Variants in SNTB2 observed in about 807,000 individuals in gnomAD.
SNTB2 encodes beta-2-syntrophin.
Under a neutral mutation model 46.2 loss-of-function variants are expected in SNTB2, and 34 were observed. The observed-to-expected ratio is 0.74, with a 90% CI of 0.56 to 0.98. The LOEUF (loss-of-function observed/expected upper bound fraction) is 0.98. Among genes scored for constraint, SNTB2 ranks in the 50% least tolerant of loss-of-function variants. SNTB2 has a pLI of 0.00. For missense variants in SNTB2, 603 were observed against 731.4 expected, an observed-to-expected ratio of 0.82 and a Z score of 2.02; for synonymous variants, 290 against 312.6, an observed-to-expected ratio of 0.93 and a Z score of 0.76.
chr16:69,271,155 T>G (rs1964933637), intron 4 of SNTB2, among the ~76,000 whole-genome samples: 1 of 152,158 alleles, frequency 6.6e-6, no homozygotes, highest in South Asian at 2.1e-4. Flanking sequence ...CATATATTAT[T>G]CTTCCTTTAC....
intron 2 of SNTB2, among the ~76,000 whole-genome samples, chr16:69,250,437 A>C (rs919159790): frequency 5.9e-5 from 9 of 152,220 alleles, no homozygotes; most frequent in South Asian, 2.1e-4. Context: ...ATAAGATTCT[A>C]GGAGGATTAA....
At chr16:69,188,074 C>G (rs1305534651) in intron 1 of SNTB2, among the ~76,000 whole-genome samples, 1 of 151,768 alleles carries the variant, frequency 6.6e-6, no homozygotes, top group Non-Finnish European at 1.5e-5. Flanking sequence ...CTCCGTTTGC[C>G]CGCTGAGAAG....
chr16:69,304,567 G>T lies in SNTB2; in HGVS notation c.*3643G>T, dbSNP rs1567419322. ...ACAACAAATACCTAACATTATTACT[G>T]ATTGTTTTCCTAATTTATCCTCCTA... On this transcript the variant is annotated 3_prime_UTR_variant, in exon 7 of 7. Coordinates refer to ENST00000336278, the MANE Select transcript of SNTB2 (RefSeq NM_006750.4). 6.6e-6 allele frequency: 1 copy of T among 152,292 alleles called. No homozygotes were observed. The highest frequency in any genetic ancestry group is 1.5e-5 in the Non-Finnish European group (1 of 68,018). 9.4% of individuals were successfully genotyped at this position (152,292 alleles called of 1,614,324 possible).
chr16:69,195,118 A>G (rs1405583439), intron 1 of SNTB2, among the ~76,000 whole-genome samples: 1 of 152,196 alleles, frequency 6.6e-6, no homozygotes, highest in Non-Finnish European at 1.5e-5. Context: ...TTGAGATCAT[A>G]TTTTTATAGG....
intron 5 of SNTB2, among the ~76,000 whole-genome samples, chr16:69,293,134 A>G (rs74025402): frequency 6.6e-6 from 1 of 152,314 alleles, no homozygotes; most frequent in African/African-American, 2.4e-5. Flanking sequence ...TATCTTGCAT[A>G]AAAGAGAGCA....
intron 4 of SNTB2, among the ~76,000 whole-genome samples, chr16:69,280,663 C>T (rs1965033098): frequency 6.6e-6 from 1 of 152,222 alleles, no homozygotes; most frequent in South Asian, 2.1e-4. Flanking sequence ...GTAGGGGCGG[C>T]CGGCTTTGCC....
chr16:69,223,751 C>T (rs1444653752), intron 1 of SNTB2, among the ~76,000 whole-genome samples: 1 of 152,104 alleles, frequency 6.6e-6, no homozygotes, highest in Admixed American at 6.5e-5. Flanking sequence ...GCCTCAGCCT[C>T]CCAAGTAGCT....
intron 3 of SNTB2, among the ~76,000 whole-genome samples, chr16:69,268,006 A>G (rs756377873): frequency 6.6e-5 from 10 of 152,184 alleles, no homozygotes; most frequent in Non-Finnish European, 1.5e-4. Flanking sequence ...AGTTTTGATG[A>G]TGACAGGGCT....
chr16:69,299,733 C>T lies in SNTB2; in HGVS notation c.1489C>T (p.Arg497Ter), dbSNP rs1036308457. ...GAAGATGTCTGCTGATGATGGCATC[C>T]GAAATCTATACTTGGATTTTGGTGG... ...RLKMSADDGI[R>*]NLYLDFGGPE... Residue 497 changes from arginine (R) to a stop codon, truncating the protein, a stop_gained, in exon 6 of 7, where the codon CGA becomes TGA. Transcript: ENST00000336278. LOFTEE classifies it high-confidence loss of function. 3 of 1,613,942 alleles carry T rather than the reference C, an allele frequency of 1.9e-6. No individual in the cohort carries two copies. Among genetic ancestry groups the T allele is most frequent in the East Asian group, 2.2e-5 (1 of 44,892 alleles).
Position 69,259,236 on chromosome 16 carries a change from ATTTTTT to A in SNTB2, c.795-791_795-786del, listed in dbSNP as rs58387978. ...TAACTAGCCCAAGTTGGTCTTTCTG[ATTTTTT>A]TTTTTTTTTTTTTTTTTTTTTTGAG... On this transcript the variant is annotated intron_variant, in intron 2 of 6. Transcript: ENST00000336278. Among the ~76,000 whole-genome samples, 6 of 69,188 alleles carry A rather than the reference ATTTTTT, an allele frequency of 8.7e-5. No individual in the cohort carries two copies. The South Asian group carries it at 2.2e-3, about 25-fold the overall frequency. 45.4% of individuals were successfully genotyped at this position (69,188 alleles called of 152,430 possible). A position where few individuals can be genotyped will look rare whatever the true frequency, so the allele number is the denominator to read the frequency against.
intron 2 of SNTB2, among the ~76,000 whole-genome samples, chr16:69,254,263 G>A (rs566103501): frequency 1.7e-4 from 26 of 152,070 alleles, no homozygotes; most frequent in Admixed American, 6.6e-4. Flanking sequence ...GGCATACCAC[G>A]CAGAGTAAAG....
intron 1 of SNTB2, among the ~76,000 whole-genome samples, chr16:69,209,131 C>G (rs1964253954): frequency 6.6e-6 from 1 of 152,092 alleles, no homozygotes; most frequent in Admixed American, 6.6e-5. Context: ...GCCACCACAC[C>G]CGGCTAATTT....
At chr16:69,207,965 C>T (rs1441201975) in intron 1 of SNTB2, among the ~76,000 whole-genome samples, 1 of 150,952 alleles carries the variant, frequency 6.6e-6, no homozygotes, top group Non-Finnish European at 1.5e-5. Flanking sequence ...AAAAATTAGC[C>T]AGGCATGGTG....
chr16:69,236,950 G>T (rs1317579817), intron 1 of SNTB2, among the ~76,000 whole-genome samples: 1 of 152,206 alleles, frequency 6.6e-6, no homozygotes, highest in Non-Finnish European at 1.5e-5. Flanking sequence ...GCTAACTATA[G>T]TACTGGTTTA....
intron 5 of SNTB2, among the ~76,000 whole-genome samples, chr16:69,293,970 A>G (rs556537754): frequency 1.6e-4 from 24 of 152,102 alleles, no homozygotes; most frequent in Middle Eastern, 3.2e-3. Flanking sequence ...CCTAAATCCA[A>G]CTGCAGTTAT....
At chr16:69,245,973 A>G (rs1268512629) in intron 2 of SNTB2, among the ~76,000 whole-genome samples, 158 bp downstream of exon 2, 4 of 152,182 alleles carry the variant, frequency 2.6e-5, no homozygotes, top group Non-Finnish European at 5.9e-5. Context: ...GTTATTCTAC[A>G]TATATACATG....
chr16:69,247,576 A>T (rs1424220175), intron 2 of SNTB2, among the ~76,000 whole-genome samples: 1 of 152,068 alleles, frequency 6.6e-6, no homozygotes, highest in East Asian at 1.9e-4. Flanking sequence ...TCTGTAGTAT[A>T]TTATGTGGTT....
chr16:69,278,899 T>TTTATTGATGGACAGAGGTGGGAAGA, intron 4 of SNTB2, among the ~76,000 whole-genome samples: 1 of 146,692 alleles, frequency 6.8e-6, no homozygotes, highest in South Asian at 2.2e-4. Flanking sequence ...AGTGTGTGTG[T>TTTATTGATGGACAGAGGTGGGAAGA]GTGTGTGTGT....
chr16:69,280,357 G>A (rs944959666), intron 4 of SNTB2, among the ~76,000 whole-genome samples: 3 of 152,118 alleles, frequency 2.0e-5, no homozygotes, highest in Admixed American at 1.3e-4. Context: ...ATCATGGCCC[G>A]TTCTCAATGA....
Sources: allele counts gnomAD v4.1 joint callset (sites outside exome capture counted in the v4.1 genomes callset), GRCh38; gene constraint gnomAD v4.1.1; transcripts MANE v1.5; gene names NCBI Gene and HGNC (gene_info 2026-07-23, HGNC 2026-07-21).